The following FRAS1 variants were observed in gnomAD, a reference collection of about 807,000 sequenced individuals.
FRAS1 encodes Fraser extracellular matrix complex subunit 1.
A neutral mutation model predicts 435.2 loss-of-function variants in FRAS1; 290 were observed. That is an observed-to-expected ratio of 0.67 (90% CI 0.61 to 0.73). The LOEUF is 0.73. Ranked by LOEUF, FRAS1 falls within the 30% of genes least tolerant of loss-of-function variation. FRAS1 has a pLI of 0.00. For missense variants in FRAS1, 4,860 were observed against 5,001.5 expected, an observed-to-expected ratio of 0.97 and a Z score of 0.85; for synonymous variants, 1,800 against 1,851.0, an observed-to-expected ratio of 0.97 and a Z score of 0.71.
At chr4:78,276,841 C>G (rs1471151108) in intron 9 of FRAS1, among the ~76,000 whole-genome samples, 2 of 152,244 alleles carry the variant, frequency 1.3e-5, no homozygotes, top group Non-Finnish European at 2.9e-5. Flanking sequence ...CTCTTCAAAG[C>G]TGTCAGACAG....
chr4:78,072,804 ATT>A (rs35214420), intron 2 of FRAS1, among the ~76,000 whole-genome samples: 2,022 of 151,782 alleles, frequency 0.013, 45 homozygotes, highest in African/African-American at 0.046. Context: ...ATAAAAACTT[ATT>A]TTTTTTGCAA....
intron 7 of FRAS1, 100 bp downstream of exon 7, chr4:78,265,208 ACT>A: frequency 1.5e-6 from 1 of 668,638 alleles, no homozygotes; most frequent in African/African-American, 1.8e-5. Context: ...CTCATGTCTG[ACT>A]CTGCCAGGAA....
chr4:78,226,683 A>G (rs2110102104), intron 2 of FRAS1, among the ~76,000 whole-genome samples: 1 of 152,012 alleles, frequency 6.6e-6, no homozygotes, highest in Middle Eastern at 3.4e-3. Context: ...TATTATTCTG[A>G]TCAATATTCA....
intron 34 of FRAS1, among the ~76,000 whole-genome samples, chr4:78,422,231 C>T (rs1190208019): frequency 1.3e-5 from 2 of 151,556 alleles, no homozygotes; most frequent in Admixed American, 1.3e-4. Flanking sequence ...TTTATTTTGT[C>T]CCTCCTATGT....
intron 19 of FRAS1, 93 bp downstream of exon 19, chr4:78,333,505 G>A (rs931165594): frequency 5.9e-5 from 77 of 1,305,326 alleles, no homozygotes; most frequent in African/African-American, 1.8e-4. Context: ...TTGTCATACC[G>A]GGGACTAAGA....
Position 78,534,546 on chromosome 4 carries a change from T to C in FRAS1, c.11023T>C (p.Phe3675Leu), listed in dbSNP as rs1422801983. 1 of 1,613,572 alleles carries C rather than the reference T, an allele frequency of 6.2e-7. No homozygotes were observed. Among genetic ancestry groups the C allele is most frequent in the Non-Finnish European group, 8.5e-7 (1 of 1,179,538 alleles). Residue 3675 changes from phenylalanine (F) to leucine (L), a missense_variant, in exon 71 of 74, where the codon TTC becomes CTC. Physicochemically the swap from Phe to Leu is conservative, Grantham distance 22 (BLOSUM62 0). Transcript: ENST00000512123. ...TCAGCTCTGCAATAATGAGAAGGTGTTCCTAATGGATCCCAATACATCTGA... is the reference window on the plus strand; with the variant it reads ...TCAGCTCTGCAATAATGAGAAGGTGCTCCTAATGGATCCCAATACATCTGA... Reference protein sequence around the residue: ...EFQLCNNEKVFLMDPNTSDMS... With the variant: ...EFQLCNNEKVLLMDPNTSDMS...
chr4:78,440,973 A>G (rs1166245749), intron 40 of FRAS1, among the ~76,000 whole-genome samples, 189 bp from the exon 41 acceptor site: 3 of 152,200 alleles, frequency 2.0e-5, no homozygotes, highest in African/African-American at 7.2e-5. Context: ...TGTAGCTTTG[A>G]GAGGCACTGA....
chr4:78,409,224 G>A (rs563840591), intron 31 of FRAS1, among the ~76,000 whole-genome samples: 157 of 150,898 alleles, frequency 1.0e-3, no homozygotes, highest in African/African-American at 3.7e-3. Context: ...ATAATAAAAG[G>A]ATAAACAAAA....
chr4:78,493,203 G>A (rs926336770), intron 59 of FRAS1, among the ~76,000 whole-genome samples: 1 of 152,208 alleles, frequency 6.6e-6, no homozygotes, highest in African/African-American at 2.4e-5. Flanking sequence ...TACACTGTTG[G>A]TGGGAGTGTA....
At chr4:78,464,232 G>A in intron 48 of FRAS1, 87 bp downstream of exon 48, 2 of 1,487,132 alleles carry the variant, frequency 1.3e-6, no homozygotes, top group Non-Finnish European at 1.8e-6. Context: ...ACTGGTGAGA[G>A]AAGAGCTTCA....
chr4:78,260,483 C>T (rs1163756546), intron 6 of FRAS1, among the ~76,000 whole-genome samples: 1 of 151,996 alleles, frequency 6.6e-6, no homozygotes, highest in Admixed American at 6.6e-5. Context: ...CGGGAGTTCA[C>T]TCATGATTTG....
Position 78,543,950 on chromosome 4 carries a change from T to C in FRAS1, c.*2826T>C, listed in dbSNP as rs1405556510. ...AAAGAAAGAATGGTCTGTACCATTCTGCTTTGCTGCCCTTTTATTGTACCC... is the reference window on the plus strand; with the variant it reads ...AAAGAAAGAATGGTCTGTACCATTCCGCTTTGCTGCCCTTTTATTGTACCC... On this transcript the variant is annotated 3_prime_UTR_variant, in exon 74 of 74. Transcript: ENST00000512123. The C allele has an allele frequency of 1.3e-5, 2 of 152,686 alleles. No homozygotes were observed. Among genetic ancestry groups the C allele is most frequent in the Non-Finnish European group, 2.9e-5 (2 of 68,050 alleles). 9.5% of individuals were successfully genotyped at this position (152,686 alleles called of 1,614,324 possible).
intron 2 of FRAS1, among the ~76,000 whole-genome samples, chr4:78,195,077 C>T (rs1193184270): frequency 6.6e-6 from 1 of 152,184 alleles, no homozygotes; most frequent in Admixed American, 6.5e-5. Context: ...GCAGAGGCTG[C>T]AGAACAGTGG....
intron 2 of FRAS1, among the ~76,000 whole-genome samples, chr4:78,144,089 A>G (rs1720312586): frequency 6.6e-6 from 1 of 151,992 alleles, no homozygotes; most frequent in Non-Finnish European, 1.5e-5. Context: ...TGATAAAAAT[A>G]CTATAAACTG....
chr4:78,373,998 G>T, intron 24 of FRAS1, 113 bp from the exon 25 acceptor site: 1 of 979,738 alleles, frequency 1.0e-6, no homozygotes, highest in Non-Finnish European at 1.4e-6. Context: ...ATGGTCCTTT[G>T]CCCAGTACAC....
chr4:78,181,241 C>T, intron 2 of FRAS1: 4 of 1,609,674 alleles, frequency 2.5e-6, no homozygotes, highest in Non-Finnish European at 3.4e-6. Flanking sequence ...CTCTTTTGGA[C>T]CCTCCTCTTT....
intron 6 of FRAS1, among the ~76,000 whole-genome samples, chr4:78,264,112 T>C (rs1726240844): frequency 1.3e-5 from 2 of 152,238 alleles, no homozygotes; most frequent in African/African-American, 4.8e-5. Context: ...TGACACTTGG[T>C]TTGTTCTCAC....
intron 1 of FRAS1, among the ~76,000 whole-genome samples, chr4:78,058,768 G>A (rs942008889): frequency 2.6e-5 from 4 of 152,304 alleles, no homozygotes; most frequent in Admixed American, 2.0e-4. Context: ...GTAAAACCCC[G>A]GAGCCGCAGG....
chr4:78,108,861 C>A (rs1742535078), intron 2 of FRAS1, among the ~76,000 whole-genome samples: 1 of 129,192 alleles, frequency 7.7e-6, no homozygotes, highest in African/African-American at 3.1e-5. Context: ...AGCAAGATGA[C>A]AAAGAAAAAA....
Sources: gnomAD v4.1 joint callset for allele counts (sites outside exome capture counted in the v4.1 genomes callset) on GRCh38, gnomAD v4.1.1 for gene constraint, MANE v1.5 for transcripts, NCBI Gene and HGNC (gene_info 2026-07-23, HGNC 2026-07-21) for gene names.